CCDC47: variants seen among roughly 807,000 people sequenced by gnomAD.
CCDC47 encodes the protein coiled-coil domain containing 47.
A neutral mutation model predicts 60.5 loss-of-function variants in CCDC47; 41 were observed. The ratio of observed to expected loss-of-function variants is 0.68; its 90% CI spans 0.53 to 0.88. CCDC47 has a LOEUF of 0.88. Among genes scored for constraint, CCDC47 ranks in the 40% least tolerant of loss-of-function variants. The pLI, the probability that CCDC47 is intolerant of heterozygous loss-of-function variation, is 0.00. For missense variants in CCDC47, 513 were observed against 580.9 expected, an observed-to-expected ratio of 0.88 and a Z score of 1.20; for synonymous variants, 195 against 190.7, an observed-to-expected ratio of 1.02 and a Z score of -0.18.
intron 6 of CCDC47, among the ~76,000 whole-genome samples, chr17:63,759,059 T>C (rs569283738): frequency 6.6e-6 from 1 of 152,290 alleles, no homozygotes; most frequent in East Asian, 1.9e-4. Context: ...CCTAATAAGA[T>C]GGCAGTTTGT....
intron 1 of CCDC47, among the ~76,000 whole-genome samples, chr17:63,769,012 A>T (rs2039316559): frequency 6.6e-6 from 1 of 150,816 alleles, no homozygotes; most frequent in Non-Finnish European, 1.5e-5. Flanking sequence ...TGAACCTGGG[A>T]GGCAGAGGTT....
chr17:63,760,400 G>C (rs1438261719), intron 6 of CCDC47, among the ~76,000 whole-genome samples: 1 of 152,144 alleles, frequency 6.6e-6, no homozygotes, highest in African/African-American at 2.4e-5. Flanking sequence ...CCTACCAAAA[G>C]GCCCATGAAG....
At chr17:63,769,705 C>T (rs1480244784) in intron 1 of CCDC47, among the ~76,000 whole-genome samples, 2 of 151,204 alleles carry the variant, frequency 1.3e-5, no homozygotes, top group South Asian at 4.2e-4. Context: ...TGAGGCACAA[C>T]GGAAGAAGAA....
intron 8 of CCDC47, among the ~76,000 whole-genome samples, chr17:63,755,036 T>G (rs954947411): frequency 2.6e-5 from 4 of 152,238 alleles, no homozygotes; most frequent in African/African-American, 9.6e-5. Flanking sequence ...AGTGGCACAA[T>G]CATAGCTTAC....
chr17:63,753,616 GT>G lies in CCDC47; in HGVS notation c.1034+816del, dbSNP rs955969169. 7.1e-6 allele frequency: 7 copies of G among 979,668 alleles called. No individual in the cohort carries two copies. In the African/African-American group the frequency reaches 1.2e-4, roughly 17 times the overall value. The allele number at this position is 979,668 out of a possible 1,614,324, so 60.7% of individuals were successfully genotyped here. On this transcript the variant is annotated intron_variant, in intron 9 of 12. Coordinates refer to ENST00000225726, the MANE Select transcript of CCDC47 (RefSeq NM_020198.3). ...CTGTGAATTCAAAGAACAAATCCAA[GT>G]CCTGAATATGTACTCCTGAACAGTA...
chr17:63,748,407 C>T (rs899659402), intron 12 of CCDC47, among the ~76,000 whole-genome samples: 2 of 152,074 alleles, frequency 1.3e-5, no homozygotes, highest in East Asian at 1.9e-4. Flanking sequence ...GCCACCGCGC[C>T]CGGCCTATCT....
chr17:63,754,907 G>T (rs1377396653), intron 8 of CCDC47, among the ~76,000 whole-genome samples: 1 of 140,662 alleles, frequency 7.1e-6, no homozygotes, highest in African/African-American at 2.7e-5. Context: ...AAAAAAAAAA[G>T]AAATTCACCT....
At chr17:63,759,554 T>TAC (rs2039239005) in intron 6 of CCDC47, among the ~76,000 whole-genome samples, 1 of 36,322 alleles carries the variant, frequency 2.8e-5, no homozygotes, top group Non-Finnish European at 4.6e-5. Context: ...TATATATATA[T>TAC]ATATATATAT....
chr17:63,754,618 C>T, intron 8 of CCDC47, 100 bp from the exon 9 acceptor site: 2 of 683,716 alleles, frequency 2.9e-6, no homozygotes, highest in Non-Finnish European at 4.9e-6. Flanking sequence ...ACGGCTCACA[C>T]CAGTAATCCC....
intron 9 of CCDC47, 85 bp from the exon 10 acceptor site, chr17:63,752,884 C>T: frequency 2.6e-6 from 4 of 1,533,144 alleles, no homozygotes; most frequent in Non-Finnish European, 3.5e-6. Context: ...CTTAGATGAA[C>T]AGATACCTGC....
intron 8 of CCDC47, 44 bp from the exon 9 acceptor site, chr17:63,754,562 C>T: frequency 7.8e-7 from 1 of 1,286,848 alleles, no homozygotes; most frequent in South Asian, 1.3e-5. Context: ...AGGTTTAATG[C>T]ATTTCCCTTT....
At chr17:63,765,139 C>CAA (rs980610332) in intron 2 of CCDC47, 4 of 168,996 alleles carry the variant, frequency 2.4e-5, no homozygotes, top group African/African-American at 9.6e-5. Context: ...CACACACACA[C>CAA]ACACACACAC....
rs200551217 is a variant in CCDC47 at position 63,761,195 on chromosome 17, G to A, written c.669+35C>T. 37 of 1,613,014 alleles carry A rather than the reference G, an allele frequency of 2.3e-5. No homozygotes were observed. In the Admixed American group the frequency reaches 3.7e-4, roughly 16 times the overall value. ...GAATCACAACTGGACAAAATTAAGG[G>A]AAGATATATATCGTACAAGAAGTTT... On this transcript the variant is annotated intron_variant, in intron 5 of 12. Coordinates refer to ENST00000225726, the MANE Select transcript of CCDC47 (RefSeq NM_020198.3).
chr17:63,763,494 A>G (rs1225985282), intron 4 of CCDC47, among the ~76,000 whole-genome samples: 1 of 151,892 alleles, frequency 6.6e-6, no homozygotes, highest in African/African-American at 2.4e-5. Context: ...CACTGCACAC[A>G]AGCCTGGGTA....
At chr17:63,758,951 G>GGA (rs140144742) in intron 6 of CCDC47, among the ~76,000 whole-genome samples, 19 of 151,268 alleles carry the variant, frequency 1.3e-4, no homozygotes, top group African/African-American at 4.4e-4. Flanking sequence ...CTTAGCAGGA[G>GGA]GAGAGAGAGA....
chr17:63,760,363 T>A (rs1293141533), intron 6 of CCDC47, among the ~76,000 whole-genome samples: 1 of 152,218 alleles, frequency 6.6e-6, no homozygotes, highest in Non-Finnish European at 1.5e-5. Flanking sequence ...TCCATTGATC[T>A]ATGTGGTGAC....
chr17:63,766,898 C>G, intron 1 of CCDC47: 1 of 982,482 alleles, frequency 1.0e-6, no homozygotes, highest in Non-Finnish European at 1.2e-6. Context: ...CAAGAATAAT[C>G]CATGAATAAA....
intron 12 of CCDC47, among the ~76,000 whole-genome samples, chr17:63,748,954 C>T (rs921153153): frequency 6.7e-6 from 1 of 148,644 alleles, no homozygotes; most frequent in Admixed American, 6.7e-5. Context: ...GCGGAGGTTG[C>T]AGTGAGCCAA....
chr17:63,755,327 G>A (rs1196395155), intron 8 of CCDC47: 1 of 984,114 alleles, frequency 1.0e-6, no homozygotes, highest in Non-Finnish European at 1.2e-6. Flanking sequence ...TAGAATTAAA[G>A]TAGTACTCCA....
Sources: allele counts gnomAD v4.1 joint callset (sites outside exome capture counted in the v4.1 genomes callset), GRCh38; gene constraint gnomAD v4.1.1; transcripts MANE v1.5; gene names NCBI Gene and HGNC (gene_info 2026-07-23, HGNC 2026-07-21).